Variants in COL22A1 observed in about 807,000 individuals in gnomAD.
The protein encoded by COL22A1 is collagen alpha-1(XXII) chain.
In COL22A1, 221 loss-of-function variants were observed where a neutral mutation model predicts 248.9. That is an observed-to-expected ratio of 0.89 (90% confidence interval 0.80 to 0.99). COL22A1 has a LOEUF of 0.99. COL22A1 is among the 50% of genes least tolerant of loss of function. The pLI, the probability that COL22A1 is intolerant of heterozygous loss-of-function variation, is 0.00. For missense variants in COL22A1, 2,240 were observed against 2,179.0 expected (o/e 1.03, Z -0.56); for synonymous variants, 891 against 793.4 (o/e 1.12, Z -2.07).
intron 22 of COL22A1, among the ~76,000 whole-genome samples, chr8:138,740,147 A>G (rs571318641): frequency 3.2e-4 from 49 of 152,252 alleles, no homozygotes; most frequent in Non-Finnish European, 5.6e-4. Flanking sequence ...CTTCCAGGGG[A>G]TTCTATAGAG....
chr8:138,631,850 G>A (rs1820746916), intron 49 of COL22A1, among the ~76,000 whole-genome samples: 2 of 151,974 alleles, frequency 1.3e-5, no homozygotes, highest in African/African-American at 4.8e-5. Context: ...CATAGCACCT[G>A]CAAAAATCTG....
intron 22 of COL22A1, among the ~76,000 whole-genome samples, chr8:138,747,471 C>G (rs1466162247): frequency 6.6e-6 from 1 of 152,168 alleles, no homozygotes; most frequent in African/African-American, 2.4e-5. Context: ...CTGCCAGGCC[C>G]CTTGCTGGGT....
chr8:138,710,148 T>C (rs1471759154), intron 30 of COL22A1, among the ~76,000 whole-genome samples: 1 of 152,198 alleles, frequency 6.6e-6, no homozygotes, highest in African/African-American at 2.4e-5. Flanking sequence ...TGATAATACA[T>C]ACAGCTCACA....
At chr8:138,723,423 A>C (rs77253387) in intron 25 of COL22A1, among the ~76,000 whole-genome samples, 5,931 of 152,286 alleles carry the variant, frequency 0.039, 175 homozygotes, top group East Asian at 0.12. Context: ...GCAAATGCCA[A>C]GGCCAGAAGC....
chr8:138,840,744 A>G (rs1287360654), intron 4 of COL22A1, among the ~76,000 whole-genome samples: 1 of 151,840 alleles, frequency 6.6e-6, no homozygotes, highest in Non-Finnish European at 1.5e-5. Context: ...TTTGGTAGAG[A>G]TGGGGCACGC....
chr8:138,618,213 G>A (rs536181614), intron 53 of COL22A1, among the ~76,000 whole-genome samples: 13 of 152,302 alleles, frequency 8.5e-5, no homozygotes, highest in East Asian at 3.9e-4. Flanking sequence ...AAAGGTCCTC[G>A]TTGCAATCAA....
At chr8:138,696,767 G>A (rs935884454) in intron 32 of COL22A1, among the ~76,000 whole-genome samples, 22 of 152,322 alleles carry the variant, frequency 1.4e-4, no homozygotes, top group African/African-American at 4.8e-4. Context: ...AGGTTTCAAC[G>A]GATGCCAGCT....
chr8:138,826,057 CAGA>C (rs1388667507), intron 6 of COL22A1: 1 of 152,492 alleles, frequency 6.6e-6, no homozygotes, highest in Non-Finnish European at 1.5e-5. Flanking sequence ...GAGCTTCATT[CAGA>C]AGAACACTGA....
In COL22A1 at chr8:138,861,914, C is replaced by T. The variant is rs117290187; in HGVS notation, c.658+15836G>A. 8.7e-4 allele frequency among the ~76,000 whole-genome samples: 131 copies of T among 151,224 alleles called. 4 individuals are homozygous for T. The East Asian group carries it at 0.023, about 26-fold the overall frequency. ...ACTGTAAAGCTTAAAGTAGGCGGGG[C>T]GCAGTGGTTCACGCCTGGAATCCCA... On this transcript the variant is annotated intron_variant, in intron 3 of 64. Transcript: ENST00000303045.
chr8:138,828,764 G>A (rs896948606), intron 5 of COL22A1, among the ~76,000 whole-genome samples: 5 of 151,018 alleles, frequency 3.3e-5, no homozygotes, highest in Non-Finnish European at 7.4e-5. Flanking sequence ...AAAAAAAAAA[G>A]GTATTTTGAT....
intron 41 of COL22A1, among the ~76,000 whole-genome samples, chr8:138,676,198 G>A (rs907578867): frequency 2.6e-5 from 4 of 151,680 alleles, no homozygotes; most frequent in African/African-American, 9.7e-5. Context: ...AGTTCAAGAC[G>A]AGCCTGGCCA....
At chr8:138,820,988 G>T in intron 7 of COL22A1, 148 bp downstream of exon 7, 1 of 829,776 alleles carries the variant, frequency 1.2e-6, no homozygotes, top group Non-Finnish European at 1.8e-6. Flanking sequence ...GCAGTTTTCT[G>T]AGTCAGGGTC....
chr8:138,775,012 G>A (rs1314454276), intron 16 of COL22A1, among the ~76,000 whole-genome samples: 1 of 152,120 alleles, frequency 6.6e-6, no homozygotes, highest in Non-Finnish European at 1.5e-5. Flanking sequence ...AGGATTACAG[G>A]CTATGTTTCA....
At chr8:138,904,148 C>G (rs62522073) in intron 1 of COL22A1, among the ~76,000 whole-genome samples, 321 of 152,268 alleles carry the variant, frequency 2.1e-3, no homozygotes, top group Non-Finnish European at 2.7e-3. Context: ...CCAGCAGACA[C>G]CGCCACCTCA....
chr8:138,633,063 C>T (rs1186382963), intron 49 of COL22A1, among the ~76,000 whole-genome samples: 1 of 152,152 alleles, frequency 6.6e-6, no homozygotes, highest in African/African-American at 2.4e-5. Flanking sequence ...TGCATATTTC[C>T]AACAGGGCCT....
At chr8:138,863,687 C>A (rs1361897737) in intron 3 of COL22A1, among the ~76,000 whole-genome samples, 1 of 152,174 alleles carries the variant, frequency 6.6e-6, no homozygotes, top group African/African-American at 2.4e-5. Context: ...GCTCTGCCTC[C>A]TGCAGTTTTA....
chr8:138,768,633 C>T (rs1175720747), intron 16 of COL22A1, among the ~76,000 whole-genome samples: 1 of 152,198 alleles, frequency 6.6e-6, no homozygotes, highest in Non-Finnish European at 1.5e-5. Flanking sequence ...CAGATCACCA[C>T]CCACAGTAAA....
chr8:138,596,962 A>G lies in COL22A1; in HGVS notation c.4374T>C (p.Ser1458=). The change falls in exon 62 of 65, where the codon TCT becomes TCC. Residue 1458 remains serine, a synonymous_variant. Coordinates refer to ENST00000303045, the MANE Select transcript of COL22A1 (RefSeq NM_152888.3). ...GCCGACGCAGGGTTTCCATGGATGG[A>G]GACTCCCCCTAGGAGGGAGGGAAGG... ...QPGFPGLRGE[S]PSMETLRRLI... 6.2e-7 allele frequency: 1 copy of G among 1,613,750 alleles called. No homozygotes were observed. Among genetic ancestry groups the G allele is most frequent in the Non-Finnish European group, 8.5e-7 (1 of 1,179,756 alleles).
At chr8:138,613,246 T>TC (rs1819039283) in intron 56 of COL22A1, among the ~76,000 whole-genome samples, 1 of 83,768 alleles carries the variant, frequency 1.2e-5, no homozygotes, top group African/African-American at 3.0e-5. Context: ...AGACTCCGTT[T>TC]CAAAAAAAAA....
Sources: gnomAD v4.1 joint callset for allele counts (sites outside exome capture counted in the v4.1 genomes callset) on GRCh38, gnomAD v4.1.1 for gene constraint, MANE v1.5 for transcripts, NCBI Gene and HGNC (gene_info 2026-07-23, HGNC 2026-07-21) for gene names.